Variants in STX8 observed in about 807,000 individuals in gnomAD.
STX8 encodes the protein syntaxin 8.
A neutral mutation model predicts 37.5 loss-of-function variants in STX8; 23 were observed. That is an observed-to-expected ratio of 0.61 (90% CI 0.44 to 0.87). The LOEUF (loss-of-function observed/expected upper bound fraction) is 0.87, where lower values mean the gene tolerates loss of function less well. Among genes scored for constraint, STX8 ranks in the 40% least tolerant of loss-of-function variants. The probability of loss-of-function intolerance (pLI) is 0.00; values close to 1 mark genes in which losing one functional copy is unlikely to be tolerated. For missense variants in STX8, 313 were observed against 284.7 expected (o/e 1.10, Z -0.71); for synonymous variants, 115 against 99.1 (o/e 1.16, Z -0.95).
intron 6 of STX8, among the ~76,000 whole-genome samples, chr17:9,473,944 T>C (rs971315171): frequency 6.6e-6 from 1 of 152,078 alleles, no homozygotes; most frequent in African/African-American, 2.4e-5. Flanking sequence ...GCCATACCAA[T>C]GGCTAGAGGG....
At chr17:9,267,440 T>C (rs1304173709) in intron 7 of STX8, among the ~76,000 whole-genome samples, 1 of 152,214 alleles carries the variant, frequency 6.6e-6, no homozygotes, top group Non-Finnish European at 1.5e-5. Flanking sequence ...CTTCCCCATG[T>C]GTGATGGCCT....
intron 4 of STX8, among the ~76,000 whole-genome samples, chr17:9,515,274 C>T (rs1012100964): frequency 1.3e-5 from 2 of 152,062 alleles, no homozygotes; most frequent in Non-Finnish European, 2.9e-5. Flanking sequence ...ATCACAAAAG[C>T]TATATTAATT....
At chr17:9,288,109 G>T (rs1309199630) in intron 7 of STX8, among the ~76,000 whole-genome samples, 4 of 97,448 alleles carry the variant, frequency 4.1e-5, no homozygotes, top group Non-Finnish European at 7.7e-5. Context: ...GGGGGGGGGG[G>T]GGAGAAAAGC....
intron 6 of STX8, among the ~76,000 whole-genome samples, chr17:9,396,714 G>GA (rs368111268): frequency 0.023 from 2,797 of 121,108 alleles, 44 homozygotes; most frequent in African/African-American, 0.045. Context: ...AACACCATCT[G>GA]AAAAAAAAAA....
At chr17:9,314,075 A>T (rs1402242727) in intron 7 of STX8, among the ~76,000 whole-genome samples, 3 of 152,136 alleles carry the variant, frequency 2.0e-5, no homozygotes, top group Non-Finnish European at 4.4e-5. Context: ...TCCCCTACTG[A>T]ACTAAGCTTT....
intron 4 of STX8, among the ~76,000 whole-genome samples, chr17:9,521,068 G>A (rs906089520): frequency 8.5e-5 from 13 of 152,110 alleles, no homozygotes; most frequent in Non-Finnish European, 1.9e-4. Context: ...TTTTTTGGTA[G>A]TTCCTTTCTG....
chr17:9,314,152 T>C (rs1234087672), intron 7 of STX8, among the ~76,000 whole-genome samples: 1 of 152,188 alleles, frequency 6.6e-6, no homozygotes, highest in African/African-American at 2.4e-5. Context: ...AACTCCTTGC[T>C]CTCTAAAAAT....
In STX8 at chr17:9,315,082, C is replaced by T. The variant is rs1331031941; in HGVS notation, c.643+63470G>A. Reference sequence around the variant, plus strand: ...GTGCCACTGCACTCCAGCCTGGCGACAACGTGAGACTCTGTCTCAAAAAAA... The same window carrying T: ...GTGCCACTGCACTCCAGCCTGGCGATAACGTGAGACTCTGTCTCAAAAAAA... On this transcript the variant is annotated intron_variant, in intron 7 of 7. Coordinates refer to ENST00000306357, the MANE Select transcript of STX8 (RefSeq NM_004853.3). Among the ~76,000 whole-genome samples, 14 of 122,548 alleles carry T rather than the reference C, an allele frequency of 1.1e-4. No individual in the cohort carries two copies. In the Admixed American group the frequency reaches 1.3e-3, roughly 12 times the overall value. 80.4% of individuals were successfully genotyped at this position (122,548 alleles called of 152,430 possible). A position where few individuals can be genotyped will look rare whatever the true frequency, so the allele number is the denominator to read the frequency against.
intron 7 of STX8, among the ~76,000 whole-genome samples, chr17:9,317,786 A>AAG (rs1909437487): frequency 6.7e-6 from 1 of 149,944 alleles, no homozygotes; most frequent in African/African-American, 2.4e-5. Flanking sequence ...AAAAAAAAAA[A>AAG]AAGTGGGGCT....
intron 7 of STX8, among the ~76,000 whole-genome samples, chr17:9,332,296 C>CAGAAAG (rs1909985457): frequency 6.6e-6 from 1 of 152,180 alleles, no homozygotes; most frequent in African/African-American, 2.4e-5. Context: ...GGGAGAATGA[C>CAGAAAG]TCAGAGGCAG....
intron 1 of STX8, among the ~76,000 whole-genome samples, chr17:9,573,044 T>G (rs1907742243): frequency 6.6e-6 from 1 of 151,606 alleles, no homozygotes; most frequent in African/African-American, 2.4e-5. Flanking sequence ...GAATATGTAT[T>G]GTAAACCAAA....
At chr17:9,375,692 G>A (rs1911557144) in intron 7 of STX8, among the ~76,000 whole-genome samples, 2 of 152,020 alleles carry the variant, frequency 1.3e-5, no homozygotes, top group Admixed American at 6.6e-5. Flanking sequence ...TGCAGTAATG[G>A]CAAAAACCAC....
chr17:9,492,016 A>T, intron 5 of STX8, 95 bp from the exon 6 acceptor site: 1 of 810,266 alleles, frequency 1.2e-6, no homozygotes. Flanking sequence ...GTTGACATAT[A>T]AATCAGTCAG....
chr17:9,309,828 ACT>A (rs896712206), intron 7 of STX8, among the ~76,000 whole-genome samples: 2 of 152,130 alleles, frequency 1.3e-5, no homozygotes, highest in African/African-American at 4.8e-5. Flanking sequence ...ATAACATATA[ACT>A]CTAGAAAAAT....
chr17:9,274,714 T>TA (rs1231047442), intron 7 of STX8, among the ~76,000 whole-genome samples: 2 of 85,000 alleles, frequency 2.4e-5, no homozygotes, highest in East Asian at 8.7e-4. Context: ...ATAATAATAA[T>TA]AAACAAAGTC....
Position 9,507,203 on chromosome 17 carries a change from C to T in STX8, c.324-2041G>A, listed in dbSNP as rs947198485. 7.2e-5 allele frequency among the ~76,000 whole-genome samples: 11 copies of T among 152,064 alleles called. No individual in the cohort carries two copies. The highest frequency in any genetic ancestry group is 2.1e-4 in the South Asian group (1 of 4,826). On this transcript the variant is annotated intron_variant, in intron 4 of 7. Transcript: ENST00000306357. This position sits in a 1 kb window ranked among gnomAD's most constrained non-coding sequence, Gnocchi z 4.0. ...GTGCAGCCCCCTACAGACATGCCCC[C>T]GGCCTGCCCAAAGGCCCCACACCTC...
intron 7 of STX8, among the ~76,000 whole-genome samples, chr17:9,304,924 AATATG>A (rs1164275056): frequency 1.8e-4 from 24 of 135,060 alleles, no homozygotes; most frequent in African/African-American, 5.0e-4. Flanking sequence ...CGAAAAAAAA[AATATG>A]TATATATATA....
intron 7 of STX8, among the ~76,000 whole-genome samples, chr17:9,353,579 A>G (rs1444190919): frequency 6.6e-6 from 1 of 152,166 alleles, no homozygotes; most frequent in Non-Finnish European, 1.5e-5. Context: ...CTAGTTCCCA[A>G]TAACATCAAT....
intron 6 of STX8, among the ~76,000 whole-genome samples, chr17:9,391,542 GC>G (rs961736948): frequency 2.0e-5 from 3 of 151,712 alleles, no homozygotes; most frequent in African/African-American, 7.3e-5. Flanking sequence ...CAACAAAAAA[GC>G]AAAACAAATG....
Sources: allele counts gnomAD v4.1 joint callset (sites outside exome capture counted in the v4.1 genomes callset), GRCh38; gene constraint gnomAD v4.1.1; non-coding constraint Gnocchi (gnomAD v3.1); transcripts MANE v1.5; gene names NCBI Gene and HGNC (gene_info 2026-07-23, HGNC 2026-07-21).